The following SSH1 variants were observed in gnomAD, a reference collection of about 807,000 sequenced individuals.
The protein encoded by SSH1 is slingshot protein phosphatase 1.
In SSH1, 43 loss-of-function variants were observed where a neutral mutation model predicts 79.7. That is an observed-to-expected ratio of 0.54 (90% CI 0.42 to 0.70). The LOEUF (loss-of-function observed/expected upper bound fraction) is 0.70, where lower values mean the gene tolerates loss of function less well. SSH1 is among the 30% of genes least tolerant of loss of function. The pLI is 0.00. For missense variants in SSH1, 1,206 were observed against 1,358.8 expected (o/e 0.89, Z 1.77); for synonymous variants, 599 against 538.3 (o/e 1.11, Z -1.56).
At chr12:108,824,448 G>A (rs1312978006) in intron 2 of SSH1, among the ~76,000 whole-genome samples, 1 of 148,266 alleles carries the variant, frequency 6.7e-6, no homozygotes, top group East Asian at 2.0e-4. Context: ...GAGCAAGACT[G>A]TGTCTCAAAA....
intron 10 of SSH1, 133 bp from the exon 11 acceptor site, chr12:108,802,501 A>G: frequency 1.3e-6 from 1 of 767,360 alleles, no homozygotes; most frequent in Non-Finnish European, 2.3e-6. Flanking sequence ...GAGAACAGAG[A>G]GAACCAGCGG....
intron 1 of SSH1, 136 bp from the exon 2 acceptor site, chr12:108,852,814 T>C: frequency 6.4e-7 from 1 of 1,563,918 alleles, no homozygotes; most frequent in South Asian, 1.1e-5. Context: ...TAAACAGCCG[T>C]GCCCTTTCCT....
At chr12:108,826,080 T>TAA in intron 2 of SSH1, 8 of 380,502 alleles carry the variant, frequency 2.1e-5, no homozygotes, top group Admixed American at 1.5e-4. Flanking sequence ...TTCATGAGAT[T>TAA]AAAAAAAAAA....
At chr12:108,819,310 G>A (rs1367740069) in intron 3 of SSH1, among the ~76,000 whole-genome samples, 1 of 152,176 alleles carries the variant, frequency 6.6e-6, no homozygotes, top group African/African-American at 2.4e-5. Flanking sequence ...GGTTCAGGAG[G>A]TGTTCCTGGA....
rs377165638 is a variant in SSH1 at position 108,856,393 on chromosome 12, C to T, written c.69+1035G>A. Among the ~76,000 whole-genome samples, 4 of 152,342 alleles carry T rather than the reference C, an allele frequency of 2.6e-5. No homozygotes were observed. In the South Asian group the frequency reaches 8.3e-4, roughly 32 times the overall value. On this transcript the variant is annotated intron_variant, in intron 1 of 14. Coordinates refer to ENST00000326495, the MANE Select transcript of SSH1 (RefSeq NM_018984.4). Reference sequence around the variant, plus strand: ...CCAGAGGAAAAAGTGGCCAGGCAAACGGACCTGGGCCACACACAGACCCAC... The same window carrying T: ...CCAGAGGAAAAAGTGGCCAGGCAAATGGACCTGGGCCACACACAGACCCAC...
intron 14 of SSH1, chr12:108,792,031 G>A (rs2036523779): frequency 7.0e-7 from 1 of 1,436,136 alleles, no homozygotes; most frequent in Admixed American, 2.9e-5. Flanking sequence ...GGTGTGCAGA[G>A]ATATGTGTTA....
chr12:108,790,155 T>A (rs1224308639), intron 14 of SSH1, among the ~76,000 whole-genome samples: 3 of 146,400 alleles, frequency 2.0e-5, no homozygotes, highest in Non-Finnish European at 4.5e-5. Flanking sequence ...GGCTTCCAGT[T>A]TTTTTTTTTT....
At chr12:108,837,628 C>T (rs74513624) in intron 2 of SSH1, among the ~76,000 whole-genome samples, 7,994 of 152,196 alleles carry the variant, frequency 0.053, 326 homozygotes, top group South Asian at 0.12. Flanking sequence ...TTTTTATCGA[C>T]GTAGTATTTT....
chr12:108,807,738 T>G lies in SSH1; in HGVS notation c.626A>C (p.Tyr209Ser). 1 of 1,613,336 alleles carries G rather than the reference T, an allele frequency of 6.2e-7. No homozygotes were observed. Among genetic ancestry groups the G allele is most frequent in the South Asian group, 1.1e-5 (1 of 91,026 alleles). ...PGGVALIWAT[Y>S]YESCISSEQS... ...CTCGGAGCTGATGCAGCTCTCATAG[T>G]AGGTAGCCCAGATGAGAGCTACACC... Residue 209 changes from tyrosine to serine, a missense_variant, in exon 8 of 15, where the codon TAC (tyrosine) becomes TCC (serine). Tyr to Ser is a moderately radical substitution (Grantham distance 144). Transcript: ENST00000326495. The surrounding 1 kb of genome is among the most constrained non-coding windows in gnomAD (Gnocchi z 5.2).
chr12:108,787,956 T>C lies in SSH1; in HGVS notation c.*32A>G. 1 of 1,613,650 alleles carries C rather than the reference T, an allele frequency of 6.2e-7. No individual in the cohort carries two copies. The highest frequency in any genetic ancestry group is 1.3e-5 in the African/African-American group (1 of 74,952). On this transcript the variant is annotated 3_prime_UTR_variant, in exon 15 of 15. Coordinates refer to ENST00000326495, the MANE Select transcript of SSH1 (RefSeq NM_018984.4). ...AAGTGAGGGAGGGATCATATGAAAATATCCGCCCAGCCTGACGCAGCAAAA... is the reference window on the plus strand; with the variant it reads ...AAGTGAGGGAGGGATCATATGAAAACATCCGCCCAGCCTGACGCAGCAAAA...
In SSH1 at chr12:108,787,883, C is replaced by T. The variant is rs951442057; in HGVS notation, c.*105G>A. The T allele has an allele frequency of 1.0e-4, 146 of 1,438,776 alleles. 1 individual carries two copies. The highest frequency in any genetic ancestry group is 1.2e-4 in the Non-Finnish European group (129 of 1,037,250). 89.1% of individuals were successfully genotyped at this position (1,438,776 alleles called of 1,614,324 possible). A position where few individuals can be genotyped will look rare whatever the true frequency, so the allele number is the denominator to read the frequency against. On this transcript the variant is annotated 3_prime_UTR_variant, in exon 15 of 15. Transcript: ENST00000326495. The stretch of plus-strand genomic sequence containing the variant: ...GGGGAAAAGTTAGGATGACTTCACT[C>T]GTTTAAGGGAAATCAAGATGTAAGG...
At chr12:108,796,595 C>T (rs2036762351) in intron 13 of SSH1, among the ~76,000 whole-genome samples, 1 of 152,088 alleles carries the variant, frequency 6.6e-6, no homozygotes, top group Admixed American at 6.5e-5. Context: ...TTTATTCATC[C>T]ATCAATGAAC....
intron 2 of SSH1, chr12:108,825,957 A>T: frequency 2.7e-6 from 1 of 368,732 alleles, no homozygotes; most frequent in South Asian, 2.1e-5. Flanking sequence ...ATTTATTCTC[A>T]TCAAAATCTG....
intron 2 of SSH1, among the ~76,000 whole-genome samples, chr12:108,842,114 G>A (rs1258794115): frequency 1.3e-5 from 2 of 152,080 alleles, no homozygotes; most frequent in Non-Finnish European, 1.5e-5. Context: ...GGGCAACAGA[G>A]CAAGACTCTG....
chr12:108,838,503 G>A (rs193009791), intron 2 of SSH1, among the ~76,000 whole-genome samples: 97 of 152,328 alleles, frequency 6.4e-4, no homozygotes, highest in African/African-American at 1.9e-3. Context: ...TGACCTGCCC[G>A]TGCAGGCCTC....
chr12:108,789,012 G>A lies in SSH1; in HGVS notation c.2126C>T (p.Thr709Ile), dbSNP rs776681880. The A allele has an allele frequency of 1.2e-6, 2 of 1,608,976 alleles. No homozygotes were observed. The highest frequency in any genetic ancestry group is 2.7e-5 in the African/African-American group (2 of 74,718). ...RVPEKPASGP[T>I]EPPPFLPPAG... Reference sequence around the variant, plus strand: ...TGGTGGTAGGAACGGGGGAGGTTCGGTTGGGCCAGAGGCTGGCTTCTCCGG... The same window carrying A: ...TGGTGGTAGGAACGGGGGAGGTTCGATTGGGCCAGAGGCTGGCTTCTCCGG... The change falls in exon 15 of 15, where the codon ACC becomes ATC. Residue 709 changes from threonine to isoleucine, a missense_variant. This residue lies in a region of SSH1 where 709 missense variants were observed against 730.6 expected (regional missense o/e 0.97). Transcript: ENST00000326495.
chr12:108,814,861 T>C (rs1054958965), intron 5 of SSH1, among the ~76,000 whole-genome samples: 1 of 152,020 alleles, frequency 6.6e-6, no homozygotes, highest in African/African-American at 2.4e-5. Flanking sequence ...AAGAGCGCCA[T>C]GGGGGCGGTG....
At chr12:108,831,550 G>A (rs1189512803) in intron 2 of SSH1, among the ~76,000 whole-genome samples, 3 of 152,130 alleles carry the variant, frequency 2.0e-5, no homozygotes, top group African/African-American at 4.8e-5. Flanking sequence ...CAGTAACTTC[G>A]ATATAAGGCA....
chr12:108,807,395 T>G lies in SSH1; in HGVS notation c.731+238A>C, dbSNP rs1368291521. Among the ~76,000 whole-genome samples, 1 of 150,768 alleles carries G rather than the reference T, an allele frequency of 6.6e-6. No homozygotes were observed. Among genetic ancestry groups the G allele is most frequent in the Non-Finnish European group, 1.5e-5 (1 of 67,858 alleles). On this transcript the variant is annotated intron_variant, in intron 8 of 14. Coordinates refer to ENST00000326495, the MANE Select transcript of SSH1 (RefSeq NM_018984.4). This position sits in a 1 kb window ranked among gnomAD's most constrained non-coding sequence, Gnocchi z 5.2. ...GAGTTACGGACCCCGTCCCCAGAAA[T>G]GCATTCACCAAATTCATCAGTAATT...
Sources: gnomAD v4.1 joint callset for allele counts (sites outside exome capture counted in the v4.1 genomes callset) on GRCh38, gnomAD v4.1.1 for gene constraint, gnomAD v4.1.1 regional missense constraint, Gnocchi (gnomAD v3.1) non-coding constraint, MANE v1.5 for transcripts, NCBI Gene and HGNC (gene_info 2026-07-23, HGNC 2026-07-21) for gene names.